CDYL: variants seen among roughly 807,000 people sequenced by gnomAD.
The protein encoded by CDYL is chromodomain Y like, also known as chromodomain Y-like protein.
A neutral mutation model predicts 47.3 loss-of-function variants in CDYL; 8 were observed. That is an observed-to-expected ratio of 0.17 (90% CI 0.10 to 0.31). The LOEUF (loss-of-function observed/expected upper bound fraction) is 0.31, where lower values mean the gene tolerates loss of function less well. Ranked by LOEUF, CDYL falls within the 10% of genes least tolerant of loss-of-function variation. The pLI, the probability that CDYL is intolerant of heterozygous loss-of-function variation, is 1.00. For missense variants in CDYL, 471 were observed against 701.4 expected (o/e 0.67, Z 3.71); for synonymous variants, 266 against 265.0 (o/e 1.00, Z -0.04).
At chr6:4,716,593 A>ATTTTT (rs35154777) in intron 2 of CDYL, among the ~76,000 whole-genome samples, 1,838 of 119,806 alleles carry the variant, frequency 0.015, 36 homozygotes, top group Middle Eastern at 0.032. Context: ...GGCAGCAATA[A>ATTTTT]TTTTTTTTTT....
chr6:4,815,673 C>CTTT lies in CDYL; in HGVS notation c.24+38884_24+38886dup, dbSNP rs35346944. On this transcript the variant is annotated intron_variant, in intron 1 of 6. Coordinates refer to ENST00000397588, the MANE Select transcript of CDYL (RefSeq NM_004824.4). ...TGATTGTTGTAATAGTGAGATTTCA[C>CTTT]TTTTTTTTTTTTTTTTTTTTACCTT... Among the ~76,000 whole-genome samples the CTTT allele has an allele frequency of 4.3e-3, 484 of 113,632 alleles. 8 individuals are homozygous for CTTT. Among genetic ancestry groups the CTTT allele is most frequent in the African/African-American group, 0.015 (454 of 30,320 alleles). The allele number at this position is 113,632 out of a possible 152,430, so 74.5% of individuals were successfully genotyped here. A position where few individuals can be genotyped will look rare whatever the true frequency, so the allele number is the denominator to read the frequency against.
At chr6:4,931,899 A>G (rs1451956714) in intron 2 of CDYL, among the ~76,000 whole-genome samples, 1 of 152,222 alleles carries the variant, frequency 6.6e-6, no homozygotes, top group African/African-American at 2.4e-5. Context: ...AGAACCACGG[A>G]TAGTTCGTAG....
intron 1 of CDYL, among the ~76,000 whole-genome samples, chr6:4,796,738 T>C (rs1033635091): frequency 6.6e-6 from 1 of 152,236 alleles, no homozygotes; most frequent in African/African-American, 2.4e-5. Context: ...TAAAAAAGTT[T>C]GGTTTTGTTT....
intron 1 of CDYL, among the ~76,000 whole-genome samples, chr6:4,787,123 G>T (rs1011253505): frequency 2.1e-4 from 32 of 152,224 alleles, no homozygotes; most frequent in Admixed American, 2.0e-3. Context: ...CTCCCAGCAG[G>T]ACAGACTTCT....
chr6:4,779,056 A>G (rs951018490), intron 1 of CDYL, among the ~76,000 whole-genome samples: 1 of 152,212 alleles, frequency 6.6e-6, no homozygotes, highest in Non-Finnish European at 1.5e-5. Context: ...TGATGATTGT[A>G]TGGTAACTGG....
At chr6:4,875,733 C>T (rs1218285745) in intron 1 of CDYL, among the ~76,000 whole-genome samples, 2 of 152,002 alleles carry the variant, frequency 1.3e-5, no homozygotes, top group Non-Finnish European at 2.9e-5. Context: ...CTTTTTCCCT[C>T]ACCTTTTTTA....
Position 4,821,360 on chromosome 6 carries a change from C to T in CDYL, c.24+44553C>T, listed in dbSNP as rs1011169146. On this transcript the variant is annotated intron_variant, in intron 1 of 6. Coordinates refer to ENST00000397588, the MANE Select transcript of CDYL (RefSeq NM_004824.4). ...TGGTGTGATCTCGGCTTACTGCAAC[C>T]TCTACCTCCCGGGTTCAAGTGATTC... 4.2e-5 allele frequency among the ~76,000 whole-genome samples: 6 copies of T among 143,056 alleles called. No homozygotes were observed. In the Admixed American group the frequency reaches 4.3e-4, roughly 10 times the overall value. The allele number at this position is 143,056 out of a possible 152,430, so 93.9% of individuals were successfully genotyped here. A position where few individuals can be genotyped will look rare whatever the true frequency, so the allele number is the denominator to read the frequency against.
chr6:4,811,557 T>C (rs1759529152), intron 1 of CDYL, among the ~76,000 whole-genome samples: 1 of 151,946 alleles, frequency 6.6e-6, no homozygotes, highest in South Asian at 2.1e-4. Context: ...GTAGTCTATA[T>C]GGGTTTTTAA....
At chr6:4,878,161 A>G (rs1363378012) in intron 1 of CDYL, among the ~76,000 whole-genome samples, 4 of 152,146 alleles carry the variant, frequency 2.6e-5, no homozygotes, top group Non-Finnish European at 5.9e-5. Context: ...ATACTTTAAT[A>G]TGGATTTTTA....
chr6:4,890,217 T>G (rs2127483079), intron 1 of CDYL: 2 of 939,810 alleles, frequency 2.1e-6, no homozygotes, highest in Non-Finnish European at 2.5e-6. Flanking sequence ...ACTCTTAAAC[T>G]ATTTCTGCAA....
At chr6:4,897,079 T>A (rs934602958) in intron 2 of CDYL, among the ~76,000 whole-genome samples, 6 of 152,258 alleles carry the variant, frequency 3.9e-5, no homozygotes, top group African/African-American at 1.4e-4. Context: ...CTATCAATGT[T>A]TAATGGTAAT....
intron 1 of CDYL, among the ~76,000 whole-genome samples, chr6:4,859,177 GA>G (rs1761094196): frequency 6.6e-6 from 1 of 152,126 alleles, no homozygotes; most frequent in East Asian, 1.9e-4. Context: ...TCTATTTTGT[GA>G]TATTTTCAGT....
In CDYL at chr6:4,836,277, T is replaced by A. The variant is rs1176219023; in HGVS notation, c.25-55436T>A. The A allele has an allele frequency of 5.1e-6, 5 of 984,510 alleles. No homozygotes were observed. The East Asian group carries it at 3.4e-4, about 67-fold the overall frequency. The allele number at this position is 984,510 out of a possible 1,614,324, so 61.0% of individuals were successfully genotyped here. On this transcript the variant is annotated intron_variant, in intron 1 of 6. Coordinates refer to ENST00000397588, the MANE Select transcript of CDYL (RefSeq NM_004824.4). ...GCCACAAATGCTACCCAAAACTACA[T>A]AAAGAAGAAAAAAGTTGCATAGAAC... is the stretch of plus-strand genomic sequence containing the variant.
intron 1 of CDYL, among the ~76,000 whole-genome samples, chr6:4,798,321 G>C (rs987094921): frequency 2.6e-5 from 4 of 151,954 alleles, no homozygotes; most frequent in African/African-American, 9.7e-5. Context: ...ATAAGTTCTT[G>C]GTATTCATTT....
chr6:4,900,779 GTATATATATATATATATATATATA>G lies in CDYL; in HGVS notation c.691+8428_691+8451del, dbSNP rs59594195. 9.2e-3 allele frequency among the ~76,000 whole-genome samples: 477 copies of G among 51,724 alleles called. 64 individuals carry two copies. The highest frequency in any genetic ancestry group is 0.025 in the African/African-American group (402 of 15,884). The allele number at this position is 51,724 out of a possible 152,430, so 33.9% of individuals were successfully genotyped here. On this transcript the variant is annotated intron_variant, in intron 2 of 6. Transcript: ENST00000397588. Reference sequence around the variant, plus strand: ...TCTTCTGTTAATTCCGTATACGTGTGTATATATATATATATATATATATATATATATATATATATATATATATAT... The same window carrying G: ...TCTTCTGTTAATTCCGTATACGTGTGTATATATATATATATATATATATAT...
intron 1 of CDYL, among the ~76,000 whole-genome samples, chr6:4,837,171 A>G (rs182786699): frequency 3.3e-4 from 51 of 152,310 alleles, no homozygotes; most frequent in Non-Finnish European, 6.3e-4. Flanking sequence ...ATGAATTGGC[A>G]ATTTGTTTTA....
At chr6:4,747,822 T>C (rs1757924038) in intron 3 of CDYL, among the ~76,000 whole-genome samples, 1 of 152,218 alleles carries the variant, frequency 6.6e-6, no homozygotes, top group South Asian at 2.1e-4. Flanking sequence ...ACAGGAATCA[T>C]TAGGGACTTC....
At chr6:4,827,258 C>T (rs1487664841) in intron 1 of CDYL, among the ~76,000 whole-genome samples, 3 of 152,294 alleles carry the variant, frequency 2.0e-5, no homozygotes, top group Admixed American at 2.0e-4. Flanking sequence ...CCAGTCTCTG[C>T]CTTCTGTCAG....
At chr6:4,898,375 G>A (rs80129720) in intron 2 of CDYL, among the ~76,000 whole-genome samples, 4 of 152,138 alleles carry the variant, frequency 2.6e-5, no homozygotes, top group Non-Finnish European at 4.4e-5. Context: ...GTGTTTGAGG[G>A]TTTGATCAAG....
Sources: allele counts gnomAD v4.1 joint callset (sites outside exome capture counted in the v4.1 genomes callset), GRCh38; gene constraint gnomAD v4.1.1; transcripts MANE v1.5; gene names NCBI Gene and HGNC (gene_info 2026-07-23, HGNC 2026-07-21).